PDE7B: variants seen among roughly 807,000 people sequenced by gnomAD.
The protein encoded by PDE7B is 3',5'-cyclic-AMP phosphodiesterase 7B.
Under a neutral mutation model 56.2 loss-of-function variants are expected in PDE7B, and 29 were observed. The observed-to-expected ratio is 0.52, with a 90% CI of 0.38 to 0.70. PDE7B has a LOEUF of 0.70. Among genes scored for constraint, PDE7B ranks in the 30% least tolerant of loss-of-function variants. The pLI is 0.00. For synonymous variants in PDE7B, 197 were observed against 196.9 expected (o/e 1.00, Z 0.00); for missense variants, 490 against 565.0 (o/e 0.87, Z 1.35).
intron 2 of PDE7B, among the ~76,000 whole-genome samples, chr6:136,070,767 A>G (rs185793245): frequency 2.5e-4 from 38 of 152,316 alleles, no homozygotes; most frequent in African/African-American, 8.7e-4. Flanking sequence ...CTAAAATACC[A>G]TAATAGATTG....
At chr6:135,912,382 T>C (rs1246692676) in intron 1 of PDE7B, among the ~76,000 whole-genome samples, 2 of 152,188 alleles carry the variant, frequency 1.3e-5, no homozygotes, top group Non-Finnish European at 2.9e-5. Context: ...TTTTATTAGG[T>C]ATTATAAGTA....
chr6:136,121,829 G>A (rs779057945), intron 3 of PDE7B, among the ~76,000 whole-genome samples: 89 of 152,086 alleles, frequency 5.9e-4, no homozygotes, highest in Admixed American at 1.2e-3. Context: ...TGCTGAATAC[G>A]TTTAAAGGGT....
At chr6:136,179,381 G>T (rs763425961) in intron 10 of PDE7B, among the ~76,000 whole-genome samples, 1 of 152,052 alleles carries the variant, frequency 6.6e-6, no homozygotes, top group Non-Finnish European at 1.5e-5. Context: ...TCCACTCAGG[G>T]CCATGATCAA....
intron 11 of PDE7B, among the ~76,000 whole-genome samples, chr6:136,183,444 A>C (rs1264458908): frequency 2.0e-5 from 3 of 151,758 alleles, no homozygotes; most frequent in Non-Finnish European, 4.4e-5. Context: ...ATACAAAAAA[A>C]AATTAGCCGG....
intron 3 of PDE7B, among the ~76,000 whole-genome samples, chr6:136,143,888 C>T (rs995685484): frequency 1.3e-5 from 2 of 151,966 alleles, no homozygotes; most frequent in South Asian, 2.1e-4. Context: ...TTTCAATTTG[C>T]TACATTTGTG....
intron 1 of PDE7B, among the ~76,000 whole-genome samples, chr6:135,888,743 A>G (rs1775755715): frequency 6.6e-6 from 1 of 152,014 alleles, no homozygotes; most frequent in Non-Finnish European, 1.5e-5. Context: ...TATAGATCCA[A>G]GAAGAACAAC....
At chr6:135,895,319 C>T (rs150384353) in intron 1 of PDE7B, among the ~76,000 whole-genome samples, 1,772 of 152,146 alleles carry the variant, frequency 0.012, 18 homozygotes, top group Admixed American at 0.032. Context: ...TTTATCAAGG[C>T]CTGGAAAATA....
At chr6:135,994,463 A>G (rs1297925986) in intron 2 of PDE7B, among the ~76,000 whole-genome samples, 1 of 152,204 alleles carries the variant, frequency 6.6e-6, no homozygotes, top group Admixed American at 6.5e-5. Context: ...GAGTAAGGAA[A>G]TATTTAATTA....
intron 1 of PDE7B, among the ~76,000 whole-genome samples, chr6:135,871,651 GC>G (rs1048444054): frequency 1.3e-5 from 2 of 152,146 alleles, no homozygotes; most frequent in African/African-American, 4.8e-5. Context: ...TCTACTCTTA[GC>G]TTTGACAGCT....
At chr6:136,079,264 C>T (rs1777170264) in intron 2 of PDE7B, among the ~76,000 whole-genome samples, 1 of 152,148 alleles carries the variant, frequency 6.6e-6, no homozygotes, top group African/African-American at 2.4e-5. Flanking sequence ...TCAAGCATGG[C>T]AGTACTCTGG....
Position 136,191,817 on chromosome 6 carries a change from G to A in PDE7B, c.1330G>A (p.Glu444Lys). The change falls in exon 13 of 13, where the codon GAG (glutamate) becomes AAG (lysine). Residue 444 changes from glutamate (E) to lysine (K), a missense_variant. By Grantham distance (56) the Glu-to-Lys change is moderately conservative. Coordinates refer to ENST00000308191, the MANE Select transcript of PDE7B (RefSeq NM_018945.4). ...DHAGQGTESEEQEGDSP is the reference protein window; with the variant it reads ...DHAGQGTESEKQEGDSP The stretch of plus-strand genomic sequence containing the variant: ...CGCAGGCCAAGGGACTGAGAGCGAG[G>A]AGCAGGAAGGCGACAGCCCCTAGGG... 6.4e-7 allele frequency: 1 copy of A among 1,553,260 alleles called. No individual in the cohort carries two copies.
Position 136,187,050 on chromosome 6 carries a change from A to G in PDE7B, c.1060A>G (p.Lys354Glu), listed in dbSNP as rs1779156275. The change falls in exon 12 of 13, where the codon AAA becomes GAA. Residue 354 changes from lysine (K) to glutamate (E), a missense_variant. Transcript: ENST00000308191. Reference protein sequence around the residue: ...EFYRQGELEQKFELEISPLCN... With the variant: ...EFYRQGELEQEFELEISPLCN... ...TTTCTTCTTAGGTGAACTTGAACAGAAATTTGAACTGGAAATCAGTCCTCT... is the reference window on the plus strand; with the variant it reads ...TTTCTTCTTAGGTGAACTTGAACAGGAATTTGAACTGGAAATCAGTCCTCT... The G allele has an allele frequency of 6.4e-7, 1 of 1,570,882 alleles. No homozygotes were observed. Among genetic ancestry groups the G allele is most frequent in the South Asian group, 1.1e-5 (1 of 89,246 alleles).
intron 1 of PDE7B, among the ~76,000 whole-genome samples, chr6:135,935,715 G>T (rs936319311): frequency 6.6e-6 from 1 of 152,194 alleles, no homozygotes; most frequent in African/African-American, 2.4e-5. Context: ...CCAAAGCAGT[G>T]TATGACTGTT....
chr6:136,006,564 T>C (rs1456796006), intron 2 of PDE7B, among the ~76,000 whole-genome samples: 1 of 152,178 alleles, frequency 6.6e-6, no homozygotes, highest in Non-Finnish European at 1.5e-5. Context: ...TTTTTCCATT[T>C]GTTTGTCATA....
chr6:136,147,646 C>A, intron 4 of PDE7B, 144 bp downstream of exon 4: 1 of 592,110 alleles, frequency 1.7e-6, no homozygotes, highest in East Asian at 2.7e-5. Flanking sequence ...TGGACTTGTT[C>A]CTCTAATAGA....
At chr6:135,932,242 G>A (rs1356297311) in intron 1 of PDE7B, among the ~76,000 whole-genome samples, 2 of 152,078 alleles carry the variant, frequency 1.3e-5, no homozygotes, top group Admixed American at 1.3e-4. Context: ...CTATTTGATA[G>A]CACAACAGGG....
At chr6:135,890,773 A>C (rs573731704) in intron 1 of PDE7B, among the ~76,000 whole-genome samples, 66 of 152,332 alleles carry the variant, frequency 4.3e-4, no homozygotes, top group African/African-American at 1.5e-3. Flanking sequence ...GAGGAAATGC[A>C]GAAACTGCTA....
In PDE7B at chr6:135,953,586, G is replaced by A. The variant is rs533604065; in HGVS notation, c.82+6062G>A. ...ACTTTTAGAAGTACTATAAATATAA[G>A]TTATTATTTTTATTAATACTCAATT... On this transcript the variant is annotated intron_variant, in intron 2 of 12. Coordinates refer to ENST00000308191, the MANE Select transcript of PDE7B (RefSeq NM_018945.4). Among the ~76,000 whole-genome samples, 16 of 151,628 alleles carry A rather than the reference G, an allele frequency of 1.1e-4. No homozygotes were observed. In the South Asian group the frequency reaches 3.1e-3, roughly 30 times the overall value.
intron 1 of PDE7B, among the ~76,000 whole-genome samples, chr6:135,918,773 A>G (rs1774007669): frequency 6.6e-6 from 1 of 152,212 alleles, no homozygotes; most frequent in Admixed American, 6.5e-5. Context: ...ATGGCATTTT[A>G]AGGCATTCCA....
Sources: gnomAD v4.1 joint callset for allele counts (sites outside exome capture counted in the v4.1 genomes callset) on GRCh38, gnomAD v4.1.1 for gene constraint, MANE v1.5 for transcripts, NCBI Gene and HGNC (gene_info 2026-07-23, HGNC 2026-07-21) for gene names.